Variants in SLCO1A2 observed in about 807,000 individuals in gnomAD.
The protein encoded by SLCO1A2 is OATP-1.
A neutral mutation model predicts 69.0 loss-of-function variants in SLCO1A2; 67 were observed. The ratio of observed to expected loss-of-function variants is 0.97; its 90% CI spans 0.80 to 1.19. The LOEUF (loss-of-function observed/expected upper bound fraction) is 1.19. Among genes scored for constraint, SLCO1A2 ranks in the 50% most tolerant of loss-of-function variants. SLCO1A2 has a pLI of 0.00. For synonymous variants in SLCO1A2, 260 were observed against 265.9 expected, an observed-to-expected ratio of 0.98 and a Z score of 0.22; for missense variants, 787 against 793.7, an observed-to-expected ratio of 0.99 and a Z score of 0.10.
chr12:21,339,122 T>A (rs1430617055), upstream of SLCO1A2, among the ~76,000 whole-genome samples: 1 of 152,022 alleles, frequency 6.6e-6, no homozygotes, highest in Non-Finnish European at 1.5e-5. Context: ...AAATAGTCAC[T>A]CTGTCAATGA....
intron 2 of SLCO1A2, among the ~76,000 whole-genome samples, chr12:21,357,270 A>T (rs2137032448): frequency 6.6e-6 from 1 of 152,308 alleles, no homozygotes; most frequent in Non-Finnish European, 1.5e-5. Context: ...GTGGACGTAT[A>T]AAAAGGGGAA....
intron 14 of SLCO1A2, 27 bp downstream of exon 14, chr12:21,274,442 C>T: frequency 6.8e-7 from 1 of 1,476,368 alleles, no homozygotes; most frequent in Non-Finnish European, 9.5e-7. Flanking sequence ...GCTTATAAAA[C>T]AATTTTAAAC....
intron 2 of SLCO1A2, among the ~76,000 whole-genome samples, chr12:21,364,215 C>T (rs951515694): frequency 6.6e-6 from 1 of 152,212 alleles, no homozygotes; most frequent in African/African-American, 2.4e-5. Flanking sequence ...AAGTTGGCTT[C>T]ATCCCTGGGA....
chr12:21,296,061 G>C (rs929768419), intron 9 of SLCO1A2, among the ~76,000 whole-genome samples: 1 of 152,056 alleles, frequency 6.6e-6, no homozygotes, highest in African/African-American at 2.4e-5. Flanking sequence ...ATTTCTTATA[G>C]GCAGAGATCA....
chr12:21,319,994 C>T (rs549144390), intron 2 of SLCO1A2, among the ~76,000 whole-genome samples: 1 of 152,116 alleles, frequency 6.6e-6, no homozygotes, highest in African/African-American at 2.4e-5. Context: ...TCAAAATGAA[C>T]AAATTATAGA....
chr12:21,320,174 A>T (rs561683805), intron 2 of SLCO1A2, among the ~76,000 whole-genome samples: 1 of 151,980 alleles, frequency 6.6e-6, no homozygotes, highest in South Asian at 2.1e-4. Flanking sequence ...CACCTTCCAC[A>T]CCTCCAGTCT....
intron 1 of SLCO1A2, among the ~76,000 whole-genome samples, chr12:21,378,060 T>C (rs994642762): frequency 1.3e-5 from 2 of 152,224 alleles, no homozygotes; most frequent in African/African-American, 4.8e-5. Context: ...TCAATTGTTA[T>C]TTCAAGGTGT....
At chr12:21,300,029 T>C (rs1482238850) in intron 8 of SLCO1A2, among the ~76,000 whole-genome samples, 1 of 145,768 alleles carries the variant, frequency 6.9e-6, no homozygotes, top group African/African-American at 2.8e-5. Context: ...TGTGTATATA[T>C]GTGTGTATAT....
At chr12:21,360,891 C>T (rs1443686197) in intron 2 of SLCO1A2, among the ~76,000 whole-genome samples, 2 of 152,122 alleles carry the variant, frequency 1.3e-5, no homozygotes, top group Non-Finnish European at 2.9e-5. Flanking sequence ...CAGCTAGGAA[C>T]TCGAACTCGG....
intron 2 of SLCO1A2, among the ~76,000 whole-genome samples, chr12:21,369,231 A>C (rs911431340): frequency 6.6e-6 from 1 of 152,154 alleles, no homozygotes; most frequent in Non-Finnish European, 1.5e-5. Context: ...GTTTATCTTC[A>C]ATCTCTTCTC....
intron 12 of SLCO1A2, among the ~76,000 whole-genome samples, chr12:21,277,766 C>T (rs945598584): frequency 6.6e-6 from 1 of 152,144 alleles, no homozygotes; most frequent in Non-Finnish European, 1.5e-5. Context: ...ATAGGGTTCA[C>T]GCTCCTATGA....
intron 2 of SLCO1A2, among the ~76,000 whole-genome samples, chr12:21,324,440 T>C (rs2136889911): frequency 1.3e-5 from 2 of 152,336 alleles, no homozygotes; most frequent in African/African-American, 4.8e-5. Flanking sequence ...AGGCTCTTTT[T>C]AAGTTGGCTT....
intron 1 of SLCO1A2, among the ~76,000 whole-genome samples, chr12:21,408,713 CGTGTGTGTGTGTGTGT>C (rs3060712): frequency 5.3e-5 from 8 of 150,178 alleles, no homozygotes; most frequent in African/African-American, 1.5e-4. Flanking sequence ...TCAGCGCATG[CGTGTGTGTGTGTGTGT>C]GTGTGTGTGT....
At position 21,292,259 on chromosome 12, in the gene SLCO1A2, G is replaced by A. The variant is rs754485724; in HGVS notation, c.1515C>T (p.Asp505=). 1 of 1,613,200 alleles carries A rather than the reference G, an allele frequency of 6.2e-7. No homozygotes were observed. The highest frequency in any genetic ancestry group is 1.1e-5 in the South Asian group (1 of 91,018). Residue 505 remains aspartate (D), a synonymous_variant, in exon 12 of 15, where the codon GAC becomes GAT. Coordinates refer to ENST00000683939, the MANE Select transcript of SLCO1A2 (RefSeq NM_001386879.1). ...GGAAGTACTGGAGCATCAAGGAACA[G>A]TCAGGTCCTTTGTCGCACAGCCCAA... The part of the protein sequence containing the change: ...AVLGLCDKGP[D]CSLMLQYFLI...
chr12:21,418,778 T>A (rs1024196058), upstream of SLCO1A2, among the ~76,000 whole-genome samples: 1 of 152,050 alleles, frequency 6.6e-6, no homozygotes, highest in Non-Finnish European at 1.5e-5. Context: ...TATACAAACT[T>A]AAAGAAGTAA....
At chr12:21,328,503 C>T (rs140224265) in intron 2 of SLCO1A2, among the ~76,000 whole-genome samples, 2 of 152,234 alleles carry the variant, frequency 1.3e-5, no homozygotes, top group African/African-American at 2.4e-5. Flanking sequence ...CACCTTACTA[C>T]TTGTAGGGGT....
At chr12:21,325,661 C>T (rs1163126678) in intron 2 of SLCO1A2, among the ~76,000 whole-genome samples, 2 of 152,114 alleles carry the variant, frequency 1.3e-5, no homozygotes, top group Non-Finnish European at 2.9e-5. Flanking sequence ...AGTAGGGGTT[C>T]CCTTTGGTCC....
chr12:21,280,288 G>A (rs1240890159), intron 12 of SLCO1A2, among the ~76,000 whole-genome samples: 1 of 152,042 alleles, frequency 6.6e-6, no homozygotes, highest in East Asian at 1.9e-4. Context: ...ATGACATAAA[G>A]TAGCTGAATG....
At chr12:21,354,258 T>C (rs541943531) in intron 2 of SLCO1A2, among the ~76,000 whole-genome samples, 34 of 152,356 alleles carry the variant, frequency 2.2e-4, no homozygotes, top group African/African-American at 8.2e-4. Context: ...TCTTCTTTCC[T>C]GGTGGCTACT....
Sources: allele counts gnomAD v4.1 joint callset (sites outside exome capture counted in the v4.1 genomes callset), GRCh38; gene constraint gnomAD v4.1.1; transcripts MANE v1.5; gene names NCBI Gene and HGNC (gene_info 2026-07-23, HGNC 2026-07-21).